BBS10: variants seen among roughly 807,000 people sequenced by gnomAD.
BBS10 encodes the protein BBSome complex assembly protein BBS10.
BBS10 carries 13 observed loss-of-function variants against 12.7 expected under a neutral mutation model. That is an observed-to-expected ratio of 1.03 (90% confidence interval 0.67 to 1.63). The LOEUF (loss-of-function observed/expected upper bound fraction) is 1.63, where lower values mean the gene tolerates loss of function less well. Among genes scored for constraint, BBS10 ranks in the 40% most tolerant of loss-of-function variants. BBS10 has a pLI of 0.00. For synonymous variants in BBS10, 294 were observed against 304.8 expected, an observed-to-expected ratio of 0.96 and a Z score of 0.37; for missense variants, 858 against 858.0, an observed-to-expected ratio of 1.00 and a Z score of 0.00.
At position 76,346,342 on chromosome 12, in the gene BBS10, T is replaced by C; in HGVS notation, c.1643A>G (p.Tyr548Cys). 1 of 1,614,060 alleles carries C rather than the reference T, an allele frequency of 6.2e-7. No individual in the cohort carries two copies. The highest frequency in any genetic ancestry group is 1.6e-4 in the Middle Eastern group (1 of 6,062). Residue 548 changes from tyrosine (Y) to cysteine (C), a missense_variant, in exon 2 of 2, where the codon TAT becomes TGT. Physicochemically the swap from Tyr to Cys is radical, Grantham distance 194. Transcript: ENST00000650064. Reference sequence around the variant, plus strand: ...TTCTATTCTATTTCCCCTTGTTGAATAAGCAGTGGAATTGTTCTTGAGTAA... The same window carrying C: ...TTCTATTCTATTTCCCCTTGTTGAACAAGCAGTGGAATTGTTCTTGAGTAA... ...EPLLKNNSTA[Y>C]STRGNRIEIS...
At chr12:76,348,131 G>A (rs898880765) in intron 1 of BBS10, 31 bp downstream of exon 1, 2 of 1,585,656 alleles carry the variant, frequency 1.3e-6, no homozygotes, top group Non-Finnish European at 1.7e-6. Flanking sequence ...TGGGGTGCCC[G>A]GCTACGGGTT....
intron 1 of BBS10, 152 bp downstream of exon 1, chr12:76,348,010 G>A (rs1368797647): frequency 5.1e-6 from 5 of 986,492 alleles, no homozygotes; most frequent in Non-Finnish European, 7.4e-6. Flanking sequence ...GGGTGCAGGA[G>A]TGTTCCCTTG....
In BBS10 at chr12:76,347,806, A is replaced by G. The variant is rs368334772; in HGVS notation, c.198-19T>C. On this transcript the variant is annotated intron_variant, in intron 1 of 1. Coordinates refer to ENST00000650064, the MANE Select transcript of BBS10 (RefSeq NM_024685.4). ...TATCATCCTGTACAAAAAAGAAATAAAGCAACTCATTTTCAGAAGGCTGGC... is the reference window on the plus strand; with the variant it reads ...TATCATCCTGTACAAAAAAGAAATAGAGCAACTCATTTTCAGAAGGCTGGC... The G allele has an allele frequency of 6.3e-7, 1 of 1,598,496 alleles. No individual in the cohort carries two copies. Among genetic ancestry groups the G allele is most frequent in the Non-Finnish European group, 8.5e-7 (1 of 1,179,452 alleles).
In BBS10 at chr12:76,348,301, C is replaced by G; in HGVS notation, c.58G>C (p.Val20Leu). The change falls in exon 1 of 2, where the codon GTG (valine) becomes CTG (leucine). Residue 20 changes from valine (V) to leucine (L), a missense_variant. Transcript: ENST00000650064. The stretch of plus-strand genomic sequence containing the variant: ...CAGCAGCTCACGATGGCTTCCAGCA[C>G]CTCGGCCACCTGCAACGCCGCCTTC... ...SVKAALQVAE[V>L]LEAIVSCCVG... 1 of 1,611,376 alleles carries G rather than the reference C, an allele frequency of 6.2e-7. No individual in the cohort carries two copies. Among genetic ancestry groups the G allele is most frequent in the Non-Finnish European group, 8.5e-7 (1 of 1,178,810 alleles).
chr12:76,345,937 C>T lies in BBS10; in HGVS notation c.2048G>A (p.Gly683Asp), dbSNP rs756069503. 2.5e-6 allele frequency: 4 copies of T among 1,614,004 alleles called. No homozygotes were observed. The highest frequency in any genetic ancestry group is 2.5e-6 in the Non-Finnish European group (3 of 1,179,928). Residue 683 changes from glycine to aspartate, a missense_variant, in exon 2 of 2, where the codon GGT becomes GAT. Transcript: ENST00000650064. ...AACTGAAGTTAGTAGCTGGTATTTA[C>T]CCATTACTGATTCCAAACCTGTCTG... ...SSQTGLESVM[G>D]KYQLLTSVLQ...
At position 76,346,308 on chromosome 12, in the gene BBS10, G is replaced by GT. The variant is rs1565809478; in HGVS notation, c.1676dup (p.Tyr559Ter). The change falls in exon 2 of 2, where the codon TAC becomes TAAC. Residue 559 changes from tyrosine to a stop codon, truncating the protein, a stop_gained and frameshift_variant. Transcript: ENST00000650064. LOFTEE classifies it low-confidence loss of function (END_TRUNC). ...TAATATTTGTGACCTGTAAATTTTC[G>GT]TAAGAAATTTCTATTCTATTTCCCC... ...STRGNRIEIS[Y>*]ENLQVTNITR... The GT allele has an allele frequency of 5.0e-6, 8 of 1,613,548 alleles. No individual in the cohort carries two copies. The highest frequency in any genetic ancestry group is 3.3e-5 in the South Asian group (3 of 91,064).
rs751825895 is a variant in BBS10 at position 76,347,603 on chromosome 12, A to G, written c.382T>C (p.Phe128Leu). The change falls in exon 2 of 2, where the codon TTT becomes CTT. Residue 128 changes from phenylalanine to leucine, a missense_variant. Transcript: ENST00000650064. ...AACGTTAGGAGAGCCTGGGAAATAA[A>G]TTTCCACCGAGAACAATTTTTCCAA... ...RHWKNCSRWK[F>L]ISQALLTFQT... 1.9e-6 allele frequency: 3 copies of G among 1,613,750 alleles called. No individual in the cohort carries two copies. The highest frequency in any genetic ancestry group is 1.1e-5 in the South Asian group (1 of 91,070).
In BBS10 at chr12:76,347,220, C is replaced by T. The variant is rs139658279; in HGVS notation, c.765G>A (p.Met255Ile). 1,847 of 1,611,964 alleles carry T rather than the reference C, an allele frequency of 1.1e-3. 2 individuals are homozygous for T. The highest frequency in any genetic ancestry group is 1.4e-3 in the Non-Finnish European group (1,687 of 1,179,964). ...TGGTTTCTGTTACTATCACCATTCG[C>T]ATGTCACCATCTGCTGGGCGGTACA... Reference protein sequence around the residue: ...FSVYRPADGDMRMVIVTETIQ... With the variant: ...FSVYRPADGDIRMVIVTETIQ... The change falls in exon 2 of 2, where the codon ATG becomes ATA. Residue 255 changes from methionine to isoleucine, a missense_variant. Physicochemically the swap from Met to Ile is conservative, Grantham distance 10. Transcript: ENST00000650064.
chr12:76,347,762 G>T lies in BBS10; in HGVS notation c.223C>A (p.His75Asn). 1.2e-6 allele frequency: 2 copies of T among 1,602,116 alleles called. No homozygotes were observed. Among genetic ancestry groups the T allele is most frequent in the South Asian group, 2.2e-5 (2 of 90,872 alleles). ...GCACCATCTCCTGTTTTTTTGAGAT[G>T]ACTGGAAACACAGTCCACTATCATC... ...ARMIVDCVSS[H>N]LKKTGDGAKT... Residue 75 changes from histidine (H) to asparagine (N), a missense_variant, in exon 2 of 2, where the codon CAT becomes AAT. Coordinates refer to ENST00000650064, the MANE Select transcript of BBS10 (RefSeq NM_024685.4).
In BBS10 at chr12:76,345,640, A is replaced by G; in HGVS notation, c.*173T>C. On this transcript the variant is annotated 3_prime_UTR_variant, in exon 2 of 2. Coordinates refer to ENST00000650064, the MANE Select transcript of BBS10 (RefSeq NM_024685.4). ...CTTCCCCTCTAGATTTGTTCCATAA[A>G]GTAATTTAATATTTGTATCTGGTCT... The G allele has an allele frequency of 1.6e-6, 1 of 632,652 alleles. No individual in the cohort carries two copies. Among genetic ancestry groups the G allele is most frequent in the South Asian group, 1.9e-5 (1 of 51,792 alleles). 39.2% of individuals were successfully genotyped at this position (632,652 alleles called of 1,614,324 possible). A position where few individuals can be genotyped will look rare whatever the true frequency, so the allele number is the denominator to read the frequency against.
chr12:76,346,966 G>C lies in BBS10; in HGVS notation c.1019C>G (p.Ser340Cys). 1 of 1,610,996 alleles carries C rather than the reference G, an allele frequency of 6.2e-7. No individual in the cohort carries two copies. Among genetic ancestry groups the C allele is most frequent in the Non-Finnish European group, 8.5e-7 (1 of 1,180,004 alleles). The change falls in exon 2 of 2, where the codon TCT becomes TGT. Residue 340 changes from serine to cysteine, a missense_variant. By Grantham distance (112) the Ser-to-Cys change is moderately radical. Transcript: ENST00000650064. Reference sequence around the variant, plus strand: ...AAGACCAATGATCCTCCGGATAAGAGAAACTTCTTCTGATGATAAACACTC... The same window carrying C: ...AAGACCAATGATCCTCCGGATAAGACAAACTTCTTCTGATGATAAACACTC... ...VVECLSSEEV[S>C]LIRRIIGLSP...
In BBS10 at chr12:76,345,748, G is replaced by A; in HGVS notation, c.*65C>T. 7.0e-7 allele frequency: 1 copy of A among 1,431,982 alleles called. No individual in the cohort carries two copies. Among genetic ancestry groups the A allele is most frequent in the East Asian group, 2.3e-5 (1 of 43,552 alleles). The allele number at this position is 1,431,982 out of a possible 1,614,324, so 88.7% of individuals were successfully genotyped here. On this transcript the variant is annotated 3_prime_UTR_variant, in exon 2 of 2. Transcript: ENST00000650064. Reference sequence around the variant, plus strand: ...GACTGAACTGACTTTAGAACCAGTGGTCACATGACTGCTTTACTTGGCTTG... The same window carrying A: ...GACTGAACTGACTTTAGAACCAGTGATCACATGACTGCTTTACTTGGCTTG...
At position 76,346,448 on chromosome 12, in the gene BBS10, G is replaced by A. The variant is rs777077443; in HGVS notation, c.1537C>T (p.Pro513Ser). The A allele has an allele frequency of 5.0e-6, 8 of 1,614,116 alleles. No individual in the cohort carries two copies. The highest frequency in any genetic ancestry group is 6.8e-6 in the Non-Finnish European group (8 of 1,179,982). Reference sequence around the variant, plus strand: ...TCAACTGTTTGGAATGTATCTGTTGGTGTCAGTGTGGGGGTTGAATACGGA... The same window carrying A: ...TCAACTGTTTGGAATGTATCTGTTGATGTCAGTGTGGGGGTTGAATACGGA... The part of the protein sequence containing the change: ...YIPYSTPTLT[P>S]TDTFQTVETL... Residue 513 changes from proline to serine, a missense_variant, in exon 2 of 2, where the codon CCA becomes TCA. Physicochemically the swap from Pro to Ser is moderately conservative, Grantham distance 74 (BLOSUM62 -1). Transcript: ENST00000650064.
In BBS10 at chr12:76,346,003, G is replaced by A. The variant is rs1197727632; in HGVS notation, c.1982C>T (p.Ala661Val). The A allele has an allele frequency of 1.9e-6, 3 of 1,613,914 alleles. No individual in the cohort carries two copies. Among genetic ancestry groups the A allele is most frequent in the Non-Finnish European group, 2.5e-6 (3 of 1,179,944 alleles). The change falls in exon 2 of 2, where the codon GCT (alanine) becomes GTT (valine). Residue 661 changes from alanine (A) to valine (V), a missense_variant. Physicochemically the swap from Ala to Val is moderately conservative, Grantham distance 64 (BLOSUM62 0). Transcript: ENST00000650064. The part of the protein sequence containing the change: ...KYSFPHTYIR[A>V]VHALQTNQPL... ...TTGATTGGTTTGCAGTGCATGGACA[G>A]CTCTTATATATGTATGTGGAAAGCT... is the stretch of plus-strand genomic sequence containing the variant.
Position 76,346,704 on chromosome 12 carries a change from G to T in BBS10, c.1281C>A (p.Asp427Glu). 6.2e-7 allele frequency: 1 copy of T among 1,614,084 alleles called. No homozygotes were observed. The highest frequency in any genetic ancestry group is 8.5e-7 in the Non-Finnish European group (1 of 1,179,994). Reference sequence around the variant, plus strand: ...TTTGTGTCATGTAATTTAGATCAAGGTCTTTAAATAATTGCCGAAGCATTT... The same window carrying T: ...TTTGTGTCATGTAATTTAGATCAAGTTCTTTAAATAATTGCCGAAGCATTT... ...ALKMLRQLFK[D>E]LDLNYMTQTN... The change falls in exon 2 of 2, where the codon GAC (aspartate) becomes GAA (glutamate). Residue 427 changes from aspartate to glutamate, a missense_variant. By Grantham distance (45) the Asp-to-Glu change is conservative. Coordinates refer to ENST00000650064, the MANE Select transcript of BBS10 (RefSeq NM_024685.4).
Position 76,346,044 on chromosome 12 carries a change from A to C in BBS10, c.1941T>G (p.Ser647=), listed in dbSNP as rs749965019. Reference sequence around the variant, plus strand: ...GTGGAAAGCTGTACTTTCCTGTTTTAGATTTATAAAGGACTTTGGGAATGC... The same window carrying C: ...GTGGAAAGCTGTACTTTCCTGTTTTCGATTTATAAAGGACTTTGGGAATGC... ...LLGIPKVLYK[S]KTGKYSFPHT... The change falls in exon 2 of 2, where the codon TCT becomes TCG. Residue 647 remains serine (S), a synonymous_variant. Transcript: ENST00000650064. The C allele has an allele frequency of 1.9e-6, 3 of 1,613,910 alleles. No homozygotes were observed. Among genetic ancestry groups the C allele is most frequent in the Admixed American group, 3.3e-5 (2 of 60,020 alleles).
At position 76,345,960 on chromosome 12, in the gene BBS10, C is replaced by T; in HGVS notation, c.2025G>A (p.Gln675=). 6.2e-7 allele frequency: 1 copy of T among 1,614,028 alleles called. No individual in the cohort carries two copies. Among genetic ancestry groups the T allele is most frequent in the South Asian group, 1.1e-5 (1 of 91,080 alleles). The change falls in exon 2 of 2, where the codon CAG becomes CAA. Residue 675 remains glutamine (Q), a synonymous_variant. Transcript: ENST00000650064. ...TACCCATTACTGATTCCAAACCTGTCTGACTGCTTACCAAGGGTTGATTGG... is the reference window on the plus strand; with the variant it reads ...TACCCATTACTGATTCCAAACCTGTTTGACTGCTTACCAAGGGTTGATTGG... The part of the protein sequence containing the change: ...LQTNQPLVSS[Q]TGLESVMGKY...
At position 76,348,256 on chromosome 12, in the gene BBS10, G is replaced by A; in HGVS notation, c.103C>T (p.Gln35Ter). 1 of 1,613,578 alleles carries A rather than the reference G, an allele frequency of 6.2e-7. No individual in the cohort carries two copies. Among genetic ancestry groups the A allele is most frequent in the Non-Finnish European group, 8.5e-7 (1 of 1,179,766 alleles). The change falls in exon 1 of 2, where the codon CAA (glutamine) becomes TAA (stop). Residue 35 changes from glutamine (Q) to a stop codon, truncating the protein, a stop_gained. Coordinates refer to ENST00000650064, the MANE Select transcript of BBS10 (RefSeq NM_024685.4). LOFTEE classifies it high-confidence loss of function. ...CCAGTGGGCTTCGTACACAAAACTT[G>A]CCGTCCCTCGGGCCCCACGCAGCAG... ...VSCCVGPEGR[Q>*]VLCTKPTGEV...
rs886049841 is a variant in BBS10, at chr12:76,344,668, T to G, written c.*1145A>C. 2.0e-5 allele frequency: 3 copies of G among 151,994 alleles called. No individual in the cohort carries two copies. In the South Asian group the frequency reaches 6.2e-4, roughly 31 times the overall value. The allele number at this position is 151,994 out of a possible 1,614,324, so 9.4% of individuals were successfully genotyped here. On this transcript the variant is annotated 3_prime_UTR_variant, in exon 2 of 2. Coordinates refer to ENST00000650064, the MANE Select transcript of BBS10 (RefSeq NM_024685.4). ...AACACTTATTCAACTATAATTAAAGTTTTTTTTCTTCAGTCAATCCCAAGT... is the reference window on the plus strand; with the variant it reads ...AACACTTATTCAACTATAATTAAAGGTTTTTTTCTTCAGTCAATCCCAAGT...
Sources: gnomAD v4.1 joint callset for allele counts on GRCh38, gnomAD v4.1.1 for gene constraint, MANE v1.5 for transcripts, NCBI Gene and HGNC (gene_info 2026-07-23, HGNC 2026-07-21) for gene names.